Variants in CA10 observed in about 807,000 individuals in gnomAD.
CA10 encodes carbonic anhydrase 10 (inactive), also known as carbonic anhydrase-related protein 10.
A neutral mutation model predicts 44.2 loss-of-function variants in CA10; 14 were observed. That is an observed-to-expected ratio of 0.32 (90% CI 0.21 to 0.50). The LOEUF (loss-of-function observed/expected upper bound fraction) is 0.50. CA10 is among the 20% of genes least tolerant of loss of function. The pLI, the probability that CA10 is intolerant of heterozygous loss-of-function variation, is 0.99. For missense variants in CA10, 350 were observed against 409.7 expected, an observed-to-expected ratio of 0.85 and a Z score of 1.26; for synonymous variants, 159 against 141.6, an observed-to-expected ratio of 1.12 and a Z score of -0.87.
At chr17:52,059,683 T>C (rs1292768995) in intron 2 of CA10, among the ~76,000 whole-genome samples, 4 of 150,916 alleles carry the variant, frequency 2.7e-5, no homozygotes, top group Non-Finnish European at 4.4e-5. Flanking sequence ...AAAAAAAAAG[T>C]GCTAAAGAAA....
At chr17:51,654,545 G>T (rs546080161) in intron 4 of CA10, among the ~76,000 whole-genome samples, 5 of 146,158 alleles carry the variant, frequency 3.4e-5, no homozygotes, top group Non-Finnish European at 6.0e-5. Context: ...TTTCTTAACA[G>T]TATGGAAGCC....
intron 6 of CA10, among the ~76,000 whole-genome samples, chr17:51,648,097 G>A (rs935693452): frequency 2.0e-5 from 3 of 152,176 alleles, no homozygotes; most frequent in African/African-American, 7.2e-5. Flanking sequence ...AATGTTTGTC[G>A]AATAAGTGAG....
chr17:52,064,616 G>A (rs1005369936), intron 2 of CA10, among the ~76,000 whole-genome samples: 1 of 151,898 alleles, frequency 6.6e-6, no homozygotes, highest in Admixed American at 6.6e-5. Flanking sequence ...GACATCAGTG[G>A]TAACTTGTAG....
intron 2 of CA10, among the ~76,000 whole-genome samples, chr17:52,035,714 ATG>A (rs1986598076): frequency 2.0e-5 from 3 of 152,318 alleles, no homozygotes; most frequent in Non-Finnish European, 4.4e-5. Context: ...GCTGGTGCCG[ATG>A]TGTCTAGTCA....
intron 3 of CA10, among the ~76,000 whole-genome samples, chr17:51,760,592 CGA>C (rs1169657210): frequency 3.3e-5 from 5 of 152,050 alleles, no homozygotes; most frequent in Admixed American, 2.0e-4. Flanking sequence ...GGATGGGATG[CGA>C]GACTTACTTT....
chr17:52,100,349 G>T (rs1380675449), intron 1 of CA10, among the ~76,000 whole-genome samples: 1 of 152,046 alleles, frequency 6.6e-6, no homozygotes, highest in East Asian at 1.9e-4. Context: ...GTTTATTTGG[G>T]CAGTGAAAAG....
At chr17:52,115,859 C>T (rs556134341) in intron 1 of CA10, among the ~76,000 whole-genome samples, 24 of 152,310 alleles carry the variant, frequency 1.6e-4, no homozygotes, top group African/African-American at 2.6e-4. Flanking sequence ...TTTGGGAGGC[C>T]GAGGCAGGCA....
At chr17:51,761,906 T>C (rs1188636428) in intron 3 of CA10, 1 of 152,158 alleles carries the variant, frequency 6.6e-6, no homozygotes, top group Non-Finnish European at 1.5e-5. Context: ...ACAAGTGAGG[T>C]GTGACCATAG....
chr17:51,730,905 A>T (rs753421858), intron 4 of CA10, among the ~76,000 whole-genome samples: 3 of 15,502 alleles, frequency 1.9e-4, no homozygotes, highest in African/African-American at 3.8e-4. Context: ...ACACAGGGAT[A>T]AAAAAAAAAA....
At chr17:51,944,791 C>T (rs1159592746) in intron 2 of CA10, among the ~76,000 whole-genome samples, 3 of 152,094 alleles carry the variant, frequency 2.0e-5, no homozygotes, top group Non-Finnish European at 4.4e-5. Context: ...GGAGGTAGTA[C>T]TTTCAGAGTT....
chr17:51,925,687 A>C (rs1202041155), intron 3 of CA10, among the ~76,000 whole-genome samples: 1 of 152,212 alleles, frequency 6.6e-6, no homozygotes, highest in East Asian at 1.9e-4. Context: ...ATGCAACCCA[A>C]ATGTCTATCG....
chr17:51,704,514 C>A (rs900348788), intron 4 of CA10, among the ~76,000 whole-genome samples: 6 of 152,208 alleles, frequency 3.9e-5, no homozygotes, highest in Non-Finnish European at 7.3e-5. Context: ...TCTTCATGGT[C>A]AGATATGCTA....
chr17:52,066,546 C>A (rs1987541890), intron 2 of CA10, among the ~76,000 whole-genome samples: 1 of 152,172 alleles, frequency 6.6e-6, no homozygotes, highest in Non-Finnish European at 1.5e-5. Context: ...AGTTCCTCTG[C>A]ACAAGCTCTT....
At chr17:52,070,487 C>CAGGGAGCTGAGCTGGGT (rs1453599146) in intron 2 of CA10, 1 of 152,064 alleles carries the variant, frequency 6.6e-6, no homozygotes, top group Non-Finnish European at 1.5e-5. Flanking sequence ...ATGAAGAACC[C>CAGGGAGCTGAGCTGGGT]AGGGAGCTGA....
rs1439997514 is a variant in CA10 at position 51,880,653 on chromosome 17, A to C, written c.279+50337T>G. The stretch of plus-strand genomic sequence containing the variant: ...TTTTCTAATCTGTTGGGCTCACTGC[A>C]CCTCACATTTTTAATACCTTCCCAA... On this transcript the variant is annotated intron_variant, in intron 3 of 8. Transcript: ENST00000451037. Among the ~76,000 whole-genome samples, 4 of 152,066 alleles carry C rather than the reference A, an allele frequency of 2.6e-5. No individual in the cohort carries two copies. The East Asian group carries it at 7.7e-4, about 29-fold the overall frequency.
At chr17:51,754,285 AGTGTGTGTGTGTGTGTGTGTGTGT>A (rs60269292) in intron 3 of CA10, among the ~76,000 whole-genome samples, 2 of 140,900 alleles carry the variant, frequency 1.4e-5, no homozygotes, top group Non-Finnish European at 3.0e-5. Context: ...GAAACAGAAT[AGTGTGTGTGTGTGTGTGTGTGTGT>A]GTGTGTGTGT....
intron 1 of CA10, among the ~76,000 whole-genome samples, chr17:52,147,492 A>G (rs113056368): frequency 7.3e-6 from 1 of 136,516 alleles, no homozygotes; most frequent in Non-Finnish European, 1.6e-5. Context: ...AAGCAGATTT[A>G]AAAAAAAAAA....
intron 8 of CA10, among the ~76,000 whole-genome samples, chr17:51,632,374 C>T (rs1912620064): frequency 6.6e-6 from 1 of 152,004 alleles, no homozygotes; most frequent in South Asian, 2.1e-4. Flanking sequence ...GTAGTTCCGG[C>T]TGGAAGGGTG....
chr17:51,967,593 A>C (rs1239916108), intron 2 of CA10, among the ~76,000 whole-genome samples: 1 of 151,852 alleles, frequency 6.6e-6, no homozygotes, highest in East Asian at 1.9e-4. Context: ...CAGAAACAGC[A>C]ATCTAAATAC....
Sources: allele counts gnomAD v4.1 joint callset (sites outside exome capture counted in the v4.1 genomes callset), GRCh38; gene constraint gnomAD v4.1.1; transcripts MANE v1.5; gene names NCBI Gene and HGNC (gene_info 2026-07-23, HGNC 2026-07-21).